ESPN: variants seen among roughly 807,000 people sequenced by gnomAD.
The protein encoded by ESPN is espin, also known as autosomal recessive deafness type 36 protein.
ESPN carries 68 observed loss-of-function variants against 77.7 expected under a neutral mutation model. That is an observed-to-expected ratio of 0.87 (90% CI 0.72 to 1.07). The LOEUF (loss-of-function observed/expected upper bound fraction) is 1.07, where lower values mean the gene tolerates loss of function less well. Ranked by LOEUF, ESPN falls within the 50% of genes least tolerant of loss-of-function variation. The pLI, the probability that ESPN is intolerant of heterozygous loss-of-function variation, is 0.00. For synonymous variants in ESPN, 449 were observed against 567.1 expected, an observed-to-expected ratio of 0.79 and a Z score of 2.96; for missense variants, 1,060 against 1,239.0, an observed-to-expected ratio of 0.86 and a Z score of 2.17.
intron 7 of ESPN, among the ~76,000 whole-genome samples, chr1:6,448,293 G>GT (rs1296383322): frequency 6.6e-6 from 1 of 152,168 alleles, no homozygotes; most frequent in Non-Finnish European, 1.5e-5. Flanking sequence ...CGAGGGCCTA[G>GT]TGAGGGCTAA....
At chr1:6,458,715 G>T (rs1005601415) in intron 12 of ESPN, among the ~76,000 whole-genome samples, 2 of 151,330 alleles carry the variant, frequency 1.3e-5, no homozygotes, top group Non-Finnish European at 2.9e-5. Flanking sequence ...TGGATCACCT[G>T]AGGTCAGGAG....
chr1:6,427,410 G>A lies in ESPN; in HGVS notation c.295-816G>A, dbSNP rs866961960. On this transcript the variant is annotated intron_variant, in intron 1 of 12. Transcript: ENST00000645284. This position sits in a 1 kb window ranked among gnomAD's most constrained non-coding sequence, Gnocchi z 4.6. ...CCCTTTCTCAGCAGACACACACAATGGGGTGTGCACTGATGACACATTCAG... is the reference window on the plus strand; with the variant it reads ...CCCTTTCTCAGCAGACACACACAATAGGGTGTGCACTGATGACACATTCAG... Among the ~76,000 whole-genome samples the A allele has an allele frequency of 1.3e-5, 2 of 152,282 alleles. No homozygotes were observed. Among genetic ancestry groups the A allele is most frequent in the South Asian group, 2.1e-4 (1 of 4,826 alleles).
chr1:6,456,926 C>T (rs2148548050), intron 10 of ESPN, among the ~76,000 whole-genome samples: 1 of 152,316 alleles, frequency 6.6e-6, no homozygotes, highest in Non-Finnish European at 1.5e-5. Context: ...CCTCTGGGTC[C>T]CAGCTACTTG....
At chr1:6,442,571 TAAA>T (rs869219412) in intron 5 of ESPN, among the ~76,000 whole-genome samples, 2 of 77,920 alleles carry the variant, frequency 2.6e-5, no homozygotes, top group Admixed American at 1.7e-4. Context: ...AGACTCCTTC[TAAA>T]AAAAAAAAAA....
chr1:6,461,190 G>A (rs1644160275), downstream of ESPN: 2 of 713,466 alleles, frequency 2.8e-6, no homozygotes, highest in Admixed American at 4.0e-5. This position sits in a 1 kb window ranked among gnomAD's most constrained non-coding sequence, Gnocchi z 6.3. Flanking sequence ...ATTTAATACC[G>A]CGATCTCAGC....
chr1:6,436,163 A>T (rs1643431333), intron 2 of ESPN, among the ~76,000 whole-genome samples: 1 of 150,948 alleles, frequency 6.6e-6, no homozygotes, highest in Non-Finnish European at 1.5e-5. Flanking sequence ...CAGACCAACC[A>T]AGAGCAGAAG....
chr1:6,458,656 C>G (rs934914040), intron 12 of ESPN, among the ~76,000 whole-genome samples: 1 of 151,548 alleles, frequency 6.6e-6, no homozygotes, highest in African/African-American at 2.4e-5. Context: ...GGGGGCTGGG[C>G]GCAGTGGCTC....
chr1:6,460,967 C>T, downstream of ESPN: 1 of 374,232 alleles, frequency 2.7e-6, no homozygotes, highest in Non-Finnish European at 5.5e-6. Flanking sequence ...GCGACTTGCT[C>T]TCTCCTTCTC....
At chr1:6,440,465 G>A (rs1487396607) in intron 3 of ESPN, 25 bp downstream of exon 3, 2 of 1,521,204 alleles carry the variant, frequency 1.3e-6, no homozygotes, top group South Asian at 2.4e-5. Context: ...CGGGCGGGGA[G>A]CAGGGGAGGC....
chr1:6,460,122 G>C lies in ESPN; in HGVS notation c.2541G>C (p.Lys847Asn). 6.2e-7 allele frequency: 1 copy of C among 1,612,814 alleles called. No individual in the cohort carries two copies. The highest frequency in any genetic ancestry group is 1.1e-5 in the South Asian group (1 of 91,046). The change falls in exon 13 of 13, where the codon AAG becomes AAC. Residue 847 changes from lysine (K) to asparagine (N), a missense_variant. By Grantham distance (94) the Lys-to-Asn change is moderately conservative. Transcript: ENST00000645284. ...CCTGGCAGCGACAGGTCATCCTGAAGAAGGGGGACATCGCTAAGTACTAGA... is the reference window on the plus strand; with the variant it reads ...CCTGGCAGCGACAGGTCATCCTGAACAAGGGGGACATCGCTAAGTACTAGA... The part of the protein sequence containing the change: ...LAPWQRQVIL[K>N]KGDIAKY
rs1643608077 is a variant in ESPN at position 6,440,812 on chromosome 1, A to C, written c.858+4A>C. 8 of 1,482,514 alleles carry C rather than the reference A, an allele frequency of 5.4e-6. No individual in the cohort carries two copies. The highest frequency in any genetic ancestry group is 2.4e-4 in the Middle Eastern group (1 of 4,136). The allele number at this position is 1,482,514 out of a possible 1,614,324, so 91.8% of individuals were successfully genotyped here. A position where few individuals can be genotyped will look rare whatever the true frequency, so the allele number is the denominator to read the frequency against. On this transcript the variant is annotated splice_donor_region_variant and intron_variant, in intron 4 of 12. Transcript: ENST00000645284. ...CGCCGAGAACGGGGAGCTAGAGGTC[A>C]GCGCGGGCCCGGGGTGGGGGCGCGC...
chr1:6,455,106 G>C, intron 10 of ESPN: 1 of 385,650 alleles, frequency 2.6e-6, no homozygotes, highest in Non-Finnish European at 4.6e-6. Flanking sequence ...CCAGCCCAGC[G>C]CCGCCGCCGC....
chr1:6,444,467 T>C lies in ESPN; in HGVS notation c.991-14T>C. On this transcript the variant is annotated splice_polypyrimidine_tract_variant and intron_variant, in intron 5 of 12. Transcript: ENST00000645284. Reference sequence around the variant, plus strand: ...GGTATGGTTGTCTTCATGGCCTCCCTGCCTCCCCTTCAGAGCGTGGAGCAC... The same window carrying C: ...GGTATGGTTGTCTTCATGGCCTCCCCGCCTCCCCTTCAGAGCGTGGAGCAC... 6.2e-7 allele frequency: 1 copy of C among 1,614,010 alleles called. No homozygotes were observed. The highest frequency in any genetic ancestry group is 1.6e-4 in the Middle Eastern group (1 of 6,062).
chr1:6,440,173 C>G, intron 2 of ESPN, 81 bp from the exon 3 acceptor site: 1 of 1,451,396 alleles, frequency 6.9e-7, no homozygotes, highest in South Asian at 1.2e-5. Context: ...CAGGGCTCCC[C>G]GGGACGGGAT....
At position 6,445,793 on chromosome 1, in the gene ESPN, C is replaced by T. The variant is rs1643809995; in HGVS notation, c.1322C>T (p.Pro441Leu). ...CCCCCACCCAGCTTCCCCCCGCCAC[C>T]CCCGCCCCCAGGCACCCAACTGCCC... ...PPPPPSFPPP[P>L]PPPGTQLPPP... The change falls in exon 7 of 13, where the codon CCC becomes CTC. Residue 441 changes from proline to leucine, a missense_variant. By Grantham distance (98) the Pro-to-Leu change is moderately conservative. This residue lies in a region of ESPN where 130 missense variants were observed against 223.9 expected (regional missense o/e 0.58). Transcript: ENST00000645284. 1 of 1,416,452 alleles carries T rather than the reference C, an allele frequency of 7.1e-7. No homozygotes were observed. The highest frequency in any genetic ancestry group is 9.7e-7 in the Non-Finnish European group (1 of 1,030,788). The allele number at this position is 1,416,452 out of a possible 1,614,324, so 87.7% of individuals were successfully genotyped here.
At chr1:6,454,254 T>C (rs1467997803) in intron 10 of ESPN, among the ~76,000 whole-genome samples, 1 of 152,084 alleles carries the variant, frequency 6.6e-6, no homozygotes, top group Non-Finnish European at 1.5e-5. Flanking sequence ...GAGCGGCGGC[T>C]CAGGCCGAAG....
chr1:6,425,275 C>T, intron 1 of ESPN, 26 bp downstream of exon 1: 1 of 1,564,188 alleles, frequency 6.4e-7, no homozygotes, highest in Non-Finnish European at 8.6e-7. Flanking sequence ...TCGCCAGGGG[C>T]ACTGAGGCTT....
chr1:6,450,600 C>T lies in ESPN; in HGVS notation c.1916-1003C>T. On this transcript the variant is annotated intron_variant, in intron 8 of 12. Transcript: ENST00000645284. This position sits in a 1 kb window ranked among gnomAD's most constrained non-coding sequence, Gnocchi z 4.3. ...GGGCAGGGGCTGGCAGGCGAGAGAA[C>T]CTCGAAGAATGGGTGGGGCCTTGCA... The T allele has an allele frequency of 3.3e-6, 1 of 304,410 alleles. No homozygotes were observed. The highest frequency in any genetic ancestry group is 4.8e-6 in the Non-Finnish European group (1 of 207,500). The allele number at this position is 304,410 out of a possible 1,614,324, so 18.9% of individuals were successfully genotyped here. A position where few individuals can be genotyped will look rare whatever the true frequency, so the allele number is the denominator to read the frequency against.
rs1162121514 is a variant in ESPN at position 6,444,534 on chromosome 1, G to A, written c.1044G>A (p.Lys348=). The A allele has an allele frequency of 9.9e-6, 16 of 1,614,238 alleles. No individual in the cohort carries two copies. Among genetic ancestry groups the A allele is most frequent in the Non-Finnish European group, 1.4e-5 (16 of 1,180,032 alleles). The part of the protein sequence containing the change: ...SRDPSAELEA[K]QPDSGMSSPN... The stretch of plus-strand genomic sequence containing the variant: ...ATCCATCCGCAGAGCTGGAGGCTAA[G>A]CAGCCGGATTCAGGCATGTCCTCAC... The change falls in exon 6 of 13, where the codon AAG becomes AAA. Residue 348 remains lysine (K), a synonymous_variant. Coordinates refer to ENST00000645284, the MANE Select transcript of ESPN (RefSeq NM_031475.3).
Sources: gnomAD v4.1 joint callset for allele counts (sites outside exome capture counted in the v4.1 genomes callset) on GRCh38, gnomAD v4.1.1 for gene constraint, gnomAD v4.1.1 regional missense constraint, Gnocchi (gnomAD v3.1) non-coding constraint, MANE v1.5 for transcripts, NCBI Gene and HGNC (gene_info 2026-07-23, HGNC 2026-07-21) for gene names.